Variants in POU2F2 observed in about 807,000 individuals in gnomAD.
The protein encoded by POU2F2 is POU domain, class 2, transcription factor 2.
Under a neutral mutation model 63.5 loss-of-function variants are expected in POU2F2, and 14 were observed. The observed-to-expected ratio is 0.22, with a 90% confidence interval of 0.15 to 0.34. The LOEUF is 0.34. Ranked by LOEUF, POU2F2 falls within the 10% of genes least tolerant of loss-of-function variation. POU2F2 has a pLI of 1.00. For missense variants in POU2F2, 607 were observed against 815.2 expected, an observed-to-expected ratio of 0.74 and a Z score of 3.11; for synonymous variants, 306 against 348.6, an observed-to-expected ratio of 0.88 and a Z score of 1.36.
chr19:42,161,837 C>G (rs1220075482), intron 1 of POU2F2, among the ~76,000 whole-genome samples: 1 of 152,194 alleles, frequency 6.6e-6, no homozygotes, highest in Non-Finnish European at 1.5e-5. Flanking sequence ...CTGCTTCCCC[C>G]CAGCCCCCGC....
Position 42,096,735 on chromosome 19 carries a change from C to T in POU2F2, c.568-492G>A, listed in dbSNP as rs2076935540. Among the ~76,000 whole-genome samples, 2 of 152,184 alleles carry T rather than the reference C, an allele frequency of 1.3e-5. No individual in the cohort carries two copies. Among genetic ancestry groups the T allele is most frequent in the African/African-American group, 4.8e-5 (2 of 41,434 alleles). Reference sequence around the variant, plus strand: ...TCGGGTTAAAAATGAGTAGGTCGTGCAGACCCATGGACTGTACAATGCCAA... The same window carrying T: ...TCGGGTTAAAAATGAGTAGGTCGTGTAGACCCATGGACTGTACAATGCCAA... On this transcript the variant is annotated intron_variant, in intron 7 of 14. Transcript: ENST00000692977. This position sits in a 1 kb window ranked among gnomAD's most constrained non-coding sequence, Gnocchi z 4.1.
chr19:42,116,442 C>T (rs1247032718), intron 5 of POU2F2, among the ~76,000 whole-genome samples: 3 of 152,074 alleles, frequency 2.0e-5, no homozygotes, highest in Non-Finnish European at 4.4e-5. Flanking sequence ...TGTGAACTCC[C>T]AGCGAGATGC....
intron 6 of POU2F2, 32 bp from the exon 7 acceptor site, chr19:42,099,650 G>A (rs560481447): frequency 1.8e-5 from 29 of 1,606,144 alleles, no homozygotes; most frequent in African/African-American, 2.7e-5. Flanking sequence ...CACAGGGTGA[G>A]GGGGAGGGGA....
intron 5 of POU2F2, among the ~76,000 whole-genome samples, chr19:42,112,337 G>A (rs1217678260): frequency 6.6e-6 from 1 of 152,194 alleles, no homozygotes; most frequent in Non-Finnish European, 1.5e-5. Flanking sequence ...GGGGTCGAGG[G>A]CAAGGGCTCA....
At chr19:42,110,246 T>C (rs2030853271) in intron 5 of POU2F2, among the ~76,000 whole-genome samples, 2 of 152,152 alleles carry the variant, frequency 1.3e-5, no homozygotes, top group South Asian at 4.2e-4. Context: ...CAGTGAGTTA[T>C]GATGGTGATA....
intron 1 of POU2F2, among the ~76,000 whole-genome samples, chr19:42,183,472 T>TTA (rs1484913852): frequency 4.6e-5 from 7 of 152,106 alleles, no homozygotes; most frequent in Admixed American, 3.9e-4. Context: ...GGAGGGAACT[T>TTA]TTTAGGGTAA....
At chr19:42,105,358 C>G (rs2077296273) in intron 5 of POU2F2, among the ~76,000 whole-genome samples, 1 of 152,156 alleles carries the variant, frequency 6.6e-6, no homozygotes, top group African/African-American at 2.4e-5. Flanking sequence ...ATCCCTAACT[C>G]ATATCGGAAC....
chr19:42,150,802 G>A (rs925873148), intron 2 of POU2F2, among the ~76,000 whole-genome samples: 39 of 152,220 alleles, frequency 2.6e-4, no homozygotes, highest in African/African-American at 8.2e-4. Flanking sequence ...GCCGCAGGCC[G>A]GGTGGGGGTG....
upstream of POU2F2, among the ~76,000 whole-genome samples, chr19:42,177,609 G>A (rs1305078250): frequency 4.6e-5 from 7 of 152,156 alleles, 1 homozygote; most frequent in East Asian, 1.2e-3. Flanking sequence ...CGGAGACAAG[G>A]ACAATCCTTG....
At chr19:42,141,681 T>G (rs1327263942) in intron 2 of POU2F2, among the ~76,000 whole-genome samples, 1 of 152,014 alleles carries the variant, frequency 6.6e-6, no homozygotes, top group East Asian at 1.9e-4. Flanking sequence ...GGTTTCTCCA[T>G]GTTGGTCAGG....
At chr19:42,132,341 C>T (rs755060421) in intron 1 of POU2F2, 43 bp downstream of exon 1, 1 of 1,585,112 alleles carries the variant, frequency 6.3e-7, no homozygotes, top group Non-Finnish European at 8.6e-7. Context: ...CCTAAATGTG[C>T]TGCCTGTCCT....
At position 42,169,795 on chromosome 19, in the gene POU2F2, G is replaced by A. The variant is rs535242155; in HGVS notation, c.-70+6168C>T. The stretch of plus-strand genomic sequence containing the variant: ...GTCGGGGTGATATAAACACATGTGC[G>A]TGTGTACCTGTGTGTCTTTCTTCCC... On this transcript the variant is annotated intron_variant, in intron 1 of 6. Coordinates refer to the POU2F2 transcript ENST00000524801. This position sits in a 1 kb window ranked among gnomAD's most constrained non-coding sequence, Gnocchi z 4.3. Among the ~76,000 whole-genome samples, 4 of 152,070 alleles carry A rather than the reference G, an allele frequency of 2.6e-5. No homozygotes were observed. Among genetic ancestry groups the A allele is most frequent in the Admixed American group, 6.5e-5 (1 of 15,278 alleles).
At chr19:42,108,856 G>A (rs560175454) in intron 5 of POU2F2, among the ~76,000 whole-genome samples, 50 of 152,332 alleles carry the variant, frequency 3.3e-4, no homozygotes, top group African/African-American at 1.2e-3. Flanking sequence ...TAAGCTTTAA[G>A]GAAACCTAGC....
rs369177242 is a variant in POU2F2 at position 42,087,044 on chromosome 19, G to C, written c.*4213C>G. The C allele has an allele frequency of 6.6e-6, 1 of 151,720 alleles. No homozygotes were observed. Among genetic ancestry groups the C allele is most frequent in the Non-Finnish European group, 1.5e-5 (1 of 67,964 alleles). 9.4% of individuals were successfully genotyped at this position (151,720 alleles called of 1,614,324 possible). A position where few individuals can be genotyped will look rare whatever the true frequency, so the allele number is the denominator to read the frequency against. On this transcript the variant is annotated 3_prime_UTR_variant, in exon 15 of 15. Coordinates refer to ENST00000692977, the MANE Select transcript of POU2F2 (RefSeq NM_001394376.1). ...AGTTTAAACCGCATGAAGGACTTGC[G>C]GCTTGGAGTTTTTGTGTATTTTTTT...
rs2146255447 is a variant in POU2F2 at position 42,088,790 on chromosome 19, C to T, written c.*2467G>A. ...GTCGTTCAGCGGAGATGCTTACATT[C>T]CGGTGAGGTTGGGTAGACGAGGTGC... On this transcript the variant is annotated 3_prime_UTR_variant, in exon 15 of 15. Coordinates refer to ENST00000692977, the MANE Select transcript of POU2F2 (RefSeq NM_001394376.1). 6.6e-6 allele frequency: 1 copy of T among 152,592 alleles called. No individual in the cohort carries two copies. The highest frequency in any genetic ancestry group is 1.9e-4 in the East Asian group (1 of 5,162). The allele number at this position is 152,592 out of a possible 1,614,324, so 9.5% of individuals were successfully genotyped here. A position where few individuals can be genotyped will look rare whatever the true frequency, so the allele number is the denominator to read the frequency against.
chr19:42,101,738 G>A (rs1282042768), intron 5 of POU2F2, among the ~76,000 whole-genome samples: 1 of 152,224 alleles, frequency 6.6e-6, no homozygotes, highest in Non-Finnish European at 1.5e-5. Flanking sequence ...AGCACTTTGG[G>A]AGGCTGAGGC....
upstream of POU2F2, chr19:42,133,309 T>TCCCTCCGCTC (rs1258432467): frequency 6.6e-6 from 1 of 151,806 alleles, no homozygotes; most frequent in Non-Finnish European, 1.5e-5. This position sits in a 1 kb window ranked among gnomAD's most constrained non-coding sequence, Gnocchi z 5.1. Flanking sequence ...AGGGAGCCCC[T>TCCCTCCGCTC]CCCTCCGCTC....
At chr19:42,113,306 A>G (rs2031391951) in intron 5 of POU2F2, among the ~76,000 whole-genome samples, 1 of 152,170 alleles carries the variant, frequency 6.6e-6, no homozygotes, top group Non-Finnish European at 1.5e-5. Flanking sequence ...CCTATCCTTG[A>G]TTGAAAATCT....
intron 7 of POU2F2, chr19:42,099,255 C>T (rs1211498183): frequency 1.3e-5 from 5 of 395,770 alleles, no homozygotes; most frequent in Non-Finnish European, 2.3e-5. Flanking sequence ...GAATGGGGAT[C>T]AGATCTAAAT....
Sources: allele counts gnomAD v4.1 joint callset (sites outside exome capture counted in the v4.1 genomes callset), GRCh38; gene constraint gnomAD v4.1.1; non-coding constraint Gnocchi (gnomAD v3.1); transcripts MANE v1.5; gene names NCBI Gene and HGNC (gene_info 2026-07-23, HGNC 2026-07-21).